Variants in DIS3L2 observed in about 807,000 individuals in gnomAD.
The protein encoded by DIS3L2 is DIS3 like 3'-5' exoribonuclease 2, also known as DIS3-like exonuclease 2.
DIS3L2 carries 34 observed loss-of-function variants against 97.5 expected under a neutral mutation model. The observed-to-expected ratio is 0.35, with a 90% CI of 0.27 to 0.46. DIS3L2 has a LOEUF of 0.46. DIS3L2 is among the 20% of genes least tolerant of loss of function. The pLI is 1.00. For missense variants in DIS3L2, 1,038 were observed against 1,146.0 expected (o/e 0.91, Z 1.36); for synonymous variants, 435 against 445.2 (o/e 0.98, Z 0.29).
rs72994249 is a variant in DIS3L2 at position 232,220,355 on chromosome 2, T to C, written c.1204+9950T>C. ...TGTTGTTAAATAATAAATAAATAAA[T>C]AAACAAACAAACACCAAGTATCTCT... On this transcript the variant is annotated intron_variant, in intron 10 of 20. Transcript: ENST00000325385. 2.9e-3 allele frequency among the ~76,000 whole-genome samples: 437 copies of C among 151,450 alleles called. 1 individual carries two copies. Among genetic ancestry groups the C allele is most frequent in the Non-Finnish European group, 4.7e-3 (317 of 67,840 alleles).
chr2:232,183,975 G>C (rs954639522), intron 9 of DIS3L2, among the ~76,000 whole-genome samples: 1 of 152,176 alleles, frequency 6.6e-6, no homozygotes, highest in Non-Finnish European at 1.5e-5. Flanking sequence ...TGATTTTAAG[G>C]CTGGAGAGAG....
At chr2:232,102,253 C>T (rs1697225449) in intron 6 of DIS3L2, among the ~76,000 whole-genome samples, 3 of 152,074 alleles carry the variant, frequency 2.0e-5, no homozygotes, top group African/African-American at 7.2e-5. Flanking sequence ...AAATCCAATG[C>T]CATGAAAAGC....
At chr2:232,340,846 T>C (rs1204400642), downstream of DIS3L2, 1 of 471,402 alleles carries the variant, frequency 2.1e-6, no homozygotes, top group Non-Finnish European at 4.4e-6. Context: ...TGCTCATGCC[T>C]ATCCGTGCAC....
intron 1 of DIS3L2, among the ~76,000 whole-genome samples, chr2:231,992,773 C>G (rs1274920581): frequency 1.3e-5 from 2 of 152,026 alleles, no homozygotes; most frequent in Non-Finnish European, 2.9e-5. Context: ...TTCTCTTTTC[C>G]CTGCTGCCAA....
intron 1 of DIS3L2, among the ~76,000 whole-genome samples, chr2:231,976,453 C>G (rs1309733302): frequency 2.0e-5 from 3 of 151,910 alleles, no homozygotes; most frequent in Non-Finnish European, 4.4e-5. Context: ...AACGTGAAAC[C>G]TGTTTCTACC....
intron 10 of DIS3L2, among the ~76,000 whole-genome samples, chr2:232,233,374 G>A (rs78315361): frequency 0.014 from 2,135 of 152,294 alleles, 25 homozygotes; most frequent in South Asian, 0.03. Flanking sequence ...TGAGAGAGCT[G>A]TCTGGGGTCC....
chr2:232,011,442 C>T (rs1559539122), intron 1 of DIS3L2, among the ~76,000 whole-genome samples: 1 of 152,082 alleles, frequency 6.6e-6, no homozygotes, highest in African/African-American at 2.4e-5. Flanking sequence ...CAACCTCTGC[C>T]TCCCAGGTTC....
chr2:231,980,278 G>T lies in DIS3L2; in HGVS notation c.-94+18513G>T, dbSNP rs557528819. ...GACTGGTAGTACTTCTTGTGGTTTT[G>T]ATTTACATTTTCCTAATGTCTGATG... On this transcript the variant is annotated intron_variant, in intron 1 of 20. Transcript: ENST00000325385. 2.8e-3 allele frequency among the ~76,000 whole-genome samples: 424 copies of T among 152,268 alleles called. 1 individual carries two copies. The highest frequency in any genetic ancestry group is 4.6e-3 in the Non-Finnish European group (314 of 68,012).
intron 5 of DIS3L2, among the ~76,000 whole-genome samples, chr2:232,058,834 G>A (rs1467024190): frequency 6.6e-6 from 1 of 152,208 alleles, no homozygotes; most frequent in Non-Finnish European, 1.5e-5. Context: ...TCCTGACTCA[G>A]TGATGTAAGA....
At chr2:232,012,528 G>A (rs1050985622) in intron 1 of DIS3L2, among the ~76,000 whole-genome samples, 5 of 148,218 alleles carry the variant, frequency 3.4e-5, no homozygotes, top group South Asian at 2.1e-4. Context: ...GTTTGCTCTC[G>A]ACTCCTCGCC....
intron 1 of DIS3L2, among the ~76,000 whole-genome samples, chr2:231,984,384 CTTT>C (rs1297535054): frequency 7.9e-6 from 1 of 126,028 alleles, no homozygotes; most frequent in Non-Finnish European, 1.7e-5. Context: ...ACTGCAACTT[CTTT>C]TTTTTTTTTT....
intron 5 of DIS3L2, among the ~76,000 whole-genome samples, chr2:232,051,573 G>A (rs1695400246): frequency 6.6e-6 from 1 of 151,974 alleles, no homozygotes; most frequent in African/African-American, 2.4e-5. Flanking sequence ...AGCACTTTGG[G>A]AGGCCGAGGC....
intron 9 of DIS3L2, among the ~76,000 whole-genome samples, chr2:232,197,186 C>T (rs977193526): frequency 1.3e-5 from 2 of 152,174 alleles, no homozygotes; most frequent in Non-Finnish European, 2.9e-5. Context: ...GACTTTGTGA[C>T]TCTTCTTAAT....
chr2:231,972,578 C>T (rs1439542634), intron 1 of DIS3L2, among the ~76,000 whole-genome samples: 1 of 152,174 alleles, frequency 6.6e-6, no homozygotes, highest in Non-Finnish European at 1.5e-5. Flanking sequence ...GAATCTTGCT[C>T]TGTCACCCAG....
intron 9 of DIS3L2, among the ~76,000 whole-genome samples, chr2:232,191,919 T>C (rs537282735): frequency 6.6e-6 from 1 of 152,308 alleles, no homozygotes; most frequent in East Asian, 1.9e-4. Flanking sequence ...GTCGCTACTC[T>C]AATCTTGAAT....
intron 13 of DIS3L2, among the ~76,000 whole-genome samples, chr2:232,273,650 C>T (rs1372854627): frequency 2.0e-5 from 3 of 152,180 alleles, no homozygotes; most frequent in Non-Finnish European, 4.4e-5. Context: ...ACCCCCAGGG[C>T]CTGGCAGTGC....
intron 14 of DIS3L2, among the ~76,000 whole-genome samples, chr2:232,304,824 G>A (rs1172422324): frequency 6.6e-6 from 1 of 151,954 alleles, no homozygotes; most frequent in Non-Finnish European, 1.5e-5. Flanking sequence ...TATTGTTTAG[G>A]ACTCAATATA....
At chr2:232,250,989 T>C (rs1483027258) in intron 12 of DIS3L2, among the ~76,000 whole-genome samples, 3 of 152,234 alleles carry the variant, frequency 2.0e-5, no homozygotes, top group Non-Finnish European at 2.9e-5. Context: ...CAGAGCTTTT[T>C]AGGATTTCAT....
intron 10 of DIS3L2, among the ~76,000 whole-genome samples, chr2:232,225,929 C>T (rs1692633398): frequency 6.6e-6 from 1 of 152,128 alleles, no homozygotes; most frequent in African/African-American, 2.4e-5. Flanking sequence ...CATAAAAGAG[C>T]ACTTTGTATG....
Sources: gnomAD v4.1 joint callset for allele counts (sites outside exome capture counted in the v4.1 genomes callset) on GRCh38, gnomAD v4.1.1 for gene constraint, MANE v1.5 for transcripts, NCBI Gene and HGNC (gene_info 2026-07-23, HGNC 2026-07-21) for gene names.